Variants in PRMT1 observed in about 807,000 individuals in gnomAD.
PRMT1 encodes protein arginine methyltransferase 1.
PRMT1 carries 5 observed loss-of-function variants against 47.4 expected under a neutral mutation model. That is an observed-to-expected ratio of 0.11 (90% confidence interval 0.06 to 0.22). PRMT1 has a LOEUF of 0.22. PRMT1 is among the 10% of genes least tolerant of loss of function. The probability of loss-of-function intolerance (pLI) is 1.00; values close to 1 mark genes in which losing one functional copy is unlikely to be tolerated. For missense variants in PRMT1, 249 were observed against 518.4 expected, an observed-to-expected ratio of 0.48 and a Z score of 5.05; for synonymous variants, 227 against 204.6, an observed-to-expected ratio of 1.11 and a Z score of -0.94.
At chr19:49,687,517 C>T (rs1371328430) in intron 10 of PRMT1, among the ~76,000 whole-genome samples, 1 of 151,358 alleles carries the variant, frequency 6.6e-6, no homozygotes, top group Admixed American at 6.6e-5. Flanking sequence ...GCTCCCCGCC[C>T]CCCCCCAGGA....
At position 49,682,041 on chromosome 19, in the gene PRMT1, G is replaced by A; in HGVS notation, c.324G>A (p.Lys108=). 1 of 1,614,208 alleles carries A rather than the reference G, an allele frequency of 6.2e-7. No homozygotes were observed. The highest frequency in any genetic ancestry group is 1.1e-5 in the South Asian group (1 of 91,088). ...GTGILCMFAA[K]AGARKVIGIE... ...GCATCCTCTGCATGTTTGCTGCCAAGGCCGGGGCCCGCAAGGTCATCGGGG... is the reference window on the plus strand; with the variant it reads ...GCATCCTCTGCATGTTTGCTGCCAAAGCCGGGGCCCGCAAGGTCATCGGGG... The change falls in exon 4 of 11, where the codon AAG becomes AAA. Residue 108 remains lysine, a synonymous_variant. Coordinates refer to ENST00000454376, the MANE Select transcript of PRMT1 (RefSeq NM_001536.6).
Position 49,684,036 on chromosome 19 carries a change from C to T in PRMT1, c.522C>T (p.Leu174=). ...MGYCLFYESM[L]NTVLYARDKW... ...ACTGCCTCTTCTACGAGTCCATGCT[C>T]AACACCGTGCTCTATGCCCGGGACA... is the stretch of plus-strand genomic sequence containing the variant. The change falls in exon 6 of 11, where the codon CTC becomes CTT. Residue 174 remains leucine, a synonymous_variant. Coordinates refer to ENST00000454376, the MANE Select transcript of PRMT1 (RefSeq NM_001536.6). The surrounding 1 kb of genome is among the most constrained non-coding windows in gnomAD (Gnocchi z 6.2). 1.2e-6 allele frequency: 2 copies of T among 1,614,192 alleles called. No homozygotes were observed. Among genetic ancestry groups the T allele is most frequent in the South Asian group, 1.1e-5 (1 of 91,088 alleles).
At chr19:49,683,005 CTCGA>C (rs1382336393) in intron 5 of PRMT1, among the ~76,000 whole-genome samples, 3 of 151,800 alleles carry the variant, frequency 2.0e-5, no homozygotes. Flanking sequence ...CCAGGATGGT[CTCGA>C]TCTCCTGACC....
Position 49,677,316 on chromosome 19 carries a change from G to A in PRMT1, c.36G>A (p.Glu12=). 1 of 1,400,784 alleles carries A rather than the reference G, an allele frequency of 7.1e-7. No homozygotes were observed. Among genetic ancestry groups the A allele is most frequent in the Non-Finnish European group, 9.3e-7 (1 of 1,072,792 alleles). The allele number at this position is 1,400,784 out of a possible 1,614,324, so 86.8% of individuals were successfully genotyped here. ...AAAEAANCIM[E]NFVATLANGM... ...CCGAGGCCGCGAACTGCATCATGGAGGTGAGCGCTTGGAGCGCCGCCGTGG... is the reference window on the plus strand; with the variant it reads ...CCGAGGCCGCGAACTGCATCATGGAAGTGAGCGCTTGGAGCGCCGCCGTGG... Residue 12 remains glutamate (E), a splice_region_variant and synonymous_variant, in exon 1 of 11, where the codon GAG becomes GAA. Coordinates refer to ENST00000454376, the MANE Select transcript of PRMT1 (RefSeq NM_001536.6).
chr19:49,688,358 T>TG lies in PRMT1; in HGVS notation c.*119dup. ...AGAAGGGGGTTTTAGGGGCCTGGGC[T>TG]GGGGGGATGGGGAGGGCACATCGTG... On this transcript the variant is annotated 3_prime_UTR_variant, in exon 11 of 11. Transcript: ENST00000454376. The surrounding 1 kb of genome is among the most constrained non-coding windows in gnomAD (Gnocchi z 5.3). 1 of 934,190 alleles carries TG rather than the reference T, an allele frequency of 1.1e-6. No individual in the cohort carries two copies. 57.9% of individuals were successfully genotyped at this position (934,190 alleles called of 1,614,324 possible). A position where few individuals can be genotyped will look rare whatever the true frequency, so the allele number is the denominator to read the frequency against.
chr19:49,687,457 G>A (rs1323480060), intron 10 of PRMT1, among the ~76,000 whole-genome samples: 1 of 152,038 alleles, frequency 6.6e-6, no homozygotes, highest in African/African-American at 2.4e-5. Context: ...GGACACCCAC[G>A]AGCCTGTGAC....
At chr19:49,676,784 C>A (rs1212209411), upstream of PRMT1, among the ~76,000 whole-genome samples, 1 of 152,190 alleles carries the variant, frequency 6.6e-6, no homozygotes, top group African/African-American at 2.4e-5. Flanking sequence ...GGCCAATTGC[C>A]GTGTTCTCCT....
At chr19:49,677,153 T>G (rs997828585), upstream of PRMT1, 10 of 880,508 alleles carry the variant, frequency 1.1e-5, no homozygotes, top group African/African-American at 1.7e-4. Context: ...GCCGCCTCCA[T>G]TGCCAATGAA....
At position 49,685,595 on chromosome 19, in the gene PRMT1, C is replaced by T. The variant is rs1318131660; in HGVS notation, c.760-498C>T. The stretch of plus-strand genomic sequence containing the variant: ...TATTTGTTGAGCTGGGATGTGTGAG[C>T]CGGGTGAAGCTGGGTGGCTGACCGG... On this transcript the variant is annotated intron_variant, in intron 8 of 10. Transcript: ENST00000454376. This position sits in a 1 kb window ranked among gnomAD's most constrained non-coding sequence, Gnocchi z 4.7. 1.5e-5 allele frequency: 15 copies of T among 1,014,218 alleles called. No homozygotes were observed. Among genetic ancestry groups the T allele is most frequent in the Non-Finnish European group, 1.8e-5 (15 of 848,564 alleles). 62.8% of individuals were successfully genotyped at this position (1,014,218 alleles called of 1,614,324 possible). A position where few individuals can be genotyped will look rare whatever the true frequency, so the allele number is the denominator to read the frequency against.
intron 1 of PRMT1, among the ~76,000 whole-genome samples, chr19:49,678,025 G>T (rs1473543715): frequency 3.9e-5 from 6 of 152,144 alleles, no homozygotes; most frequent in Admixed American, 1.3e-4. Context: ...CTCCCTCTGG[G>T]TGGTGGTGGG....
intron 10 of PRMT1, among the ~76,000 whole-genome samples, chr19:49,687,641 A>G (rs2082228479): frequency 6.6e-6 from 1 of 151,618 alleles, no homozygotes; most frequent in South Asian, 2.1e-4. Flanking sequence ...CCACAGGACC[A>G]CCCCCTACAA....
Position 49,681,826 on chromosome 19 carries a change from G to A in PRMT1, c.193-84G>A, listed in dbSNP as rs1254161846. ...GAAGAAAGCGAGAGGGCCGAGCTCT[G>A]GCCCTCCGAGCTCTCAGGACACGCT... On this transcript the variant is annotated intron_variant, in intron 3 of 10. Coordinates refer to ENST00000454376, the MANE Select transcript of PRMT1 (RefSeq NM_001536.6). This position sits in a 1 kb window ranked among gnomAD's most constrained non-coding sequence, Gnocchi z 4.4. The A allele has an allele frequency of 2.8e-6, 4 of 1,420,934 alleles. No homozygotes were observed. The highest frequency in any genetic ancestry group is 3.8e-6 in the Non-Finnish European group (4 of 1,053,322). 88.0% of individuals were successfully genotyped at this position (1,420,934 alleles called of 1,614,324 possible).
In PRMT1 at chr19:49,684,083, G is replaced by A. The variant is rs753775558; in HGVS notation, c.555+14G>A. 1.2e-4 allele frequency: 198 copies of A among 1,613,644 alleles called. No homozygotes were observed. Among genetic ancestry groups the A allele is most frequent in the Non-Finnish European group, 3.6e-5 (42 of 1,179,790 alleles). On this transcript the variant is annotated intron_variant, in intron 6 of 10. Coordinates refer to ENST00000454376, the MANE Select transcript of PRMT1 (RefSeq NM_001536.6). The surrounding 1 kb of genome is among the most constrained non-coding windows in gnomAD (Gnocchi z 6.2). ...GACAAGTGGCTGGTGAGGCCCCAGCGGGACGGGTGCAGCTCGCGTGGGCTG... is the reference window on the plus strand; with the variant it reads ...GACAAGTGGCTGGTGAGGCCCCAGCAGGACGGGTGCAGCTCGCGTGGGCTG...
intron 1 of PRMT1, among the ~76,000 whole-genome samples, chr19:49,678,950 C>T (rs1042618630): frequency 6.8e-6 from 1 of 146,606 alleles, no homozygotes; most frequent in South Asian, 2.2e-4. Flanking sequence ...ATGGCTTGAT[C>T]TCGGCTCATT....
rs371508595 is a variant in PRMT1 at position 49,677,293 on chromosome 19, G to C, written c.13G>C (p.Glu5Gln). Residue 5 changes from glutamate (E) to glutamine (Q), a missense_variant, in exon 1 of 11, where the codon GAG (glutamate) becomes CAG (glutamine). By Grantham distance (29) the Glu-to-Gln change is conservative. This residue lies in a region of PRMT1 where 59 missense variants were observed against 61.7 expected (regional missense o/e 0.96). Coordinates refer to ENST00000454376, the MANE Select transcript of PRMT1 (RefSeq NM_001536.6). ...GGTGCGGGTGAAGATGGCGGCAGCC[G>C]AGGCCGCGAACTGCATCATGGAGGT... Reference protein sequence around the residue: MAAAEAANCIMENFV... With the variant: MAAAQAANCIMENFV... 1 of 1,414,348 alleles carries C rather than the reference G, an allele frequency of 7.1e-7. No individual in the cohort carries two copies. Among genetic ancestry groups the C allele is most frequent in the Non-Finnish European group, 9.2e-7 (1 of 1,081,614 alleles). 87.6% of individuals were successfully genotyped at this position (1,414,348 alleles called of 1,614,324 possible).
At position 49,686,675 on chromosome 19, in the gene PRMT1, G is replaced by C. The variant is rs149767260; in HGVS notation, c.981G>C (p.Thr327=). 7.6e-5 allele frequency: 123 copies of C among 1,612,746 alleles called. No individual in the cohort carries two copies. The African/African-American group carries it at 1.5e-3, about 20-fold the overall frequency. ...TGGAGGACTACCTGACCGTGAAGAC[G>C]GGCGAGGAGATCTTCGGCACCATCG... ...FYMEDYLTVK[T]GEEIFGTIGM... The change falls in exon 10 of 11, where the codon ACG becomes ACC. Residue 327 remains threonine, a synonymous_variant. Coordinates refer to ENST00000454376, the MANE Select transcript of PRMT1 (RefSeq NM_001536.6).
Position 49,679,631 on chromosome 19 carries a change from G to C in PRMT1, c.37-241G>C, listed in dbSNP as rs1388188902. The C allele has an allele frequency of 7.2e-6, 5 of 697,940 alleles. No individual in the cohort carries two copies. The South Asian group carries it at 7.5e-5, about 10-fold the overall frequency. The allele number at this position is 697,940 out of a possible 1,614,324, so 43.2% of individuals were successfully genotyped here. On this transcript the variant is annotated intron_variant, in intron 1 of 10. Transcript: ENST00000454376. ...CTGCCTGGCCAGAGAGGGGCAGCGT[G>C]GGGGTGGGCCACCATCTCTCCAGCC...
intron 9 of PRMT1, 39 bp from the exon 10 acceptor site, chr19:49,686,566 G>A (rs1360788423): frequency 7.6e-7 from 1 of 1,315,714 alleles, no homozygotes; most frequent in South Asian, 1.2e-5. Flanking sequence ...GTTGGGGGGG[G>A]CAGCAGGCCG....
chr19:49,679,995 C>A, intron 2 of PRMT1, 70 bp downstream of exon 2: 1 of 1,469,450 alleles, frequency 6.8e-7, no homozygotes, highest in Non-Finnish European at 9.4e-7. Flanking sequence ...ACACATCTGG[C>A]CCTTTCTTGA....
Sources: allele counts gnomAD v4.1 joint callset (sites outside exome capture counted in the v4.1 genomes callset), GRCh38; gene constraint gnomAD v4.1.1; regional missense constraint gnomAD v4.1.1; non-coding constraint Gnocchi (gnomAD v3.1); transcripts MANE v1.5; gene names NCBI Gene and HGNC (gene_info 2026-07-23, HGNC 2026-07-21).